The following POGZ variants were observed in gnomAD, a reference collection of about 807,000 sequenced individuals.
POGZ encodes the protein pogo transposable element with ZNF domain.
POGZ carries 17 observed loss-of-function variants against 134.6 expected under a neutral mutation model. The ratio of observed to expected loss-of-function variants is 0.13; its 90% CI spans 0.09 to 0.19. The LOEUF (loss-of-function observed/expected upper bound fraction) is 0.19, where lower values mean the gene tolerates loss of function less well. POGZ is among the 10% of genes least tolerant of loss of function. The pLI, the probability that POGZ is intolerant of heterozygous loss-of-function variation, is 1.00. For synonymous variants in POGZ, 693 were observed against 657.1 expected (o/e 1.05, Z -0.84); for missense variants, 1,306 against 1,769.7 (o/e 0.74, Z 4.70).
chr1:151,409,474 T>C (rs1244083175), intron 12 of POGZ, among the ~76,000 whole-genome samples: 1 of 152,174 alleles, frequency 6.6e-6, no homozygotes, highest in Non-Finnish European at 1.5e-5. Context: ...TAGCTGGGAC[T>C]ACAGGCACGT....
chr1:151,441,016 G>A lies in POGZ; in HGVS notation c.195C>T (p.Leu65=). The change falls in exon 3 of 19, where the codon CTC becomes CTT. Residue 65 remains leucine, a synonymous_variant. Transcript: ENST00000271715. ...IAAHASVAGH[L]STSTTVSSSG... The stretch of plus-strand genomic sequence containing the variant: ...TGCTACTAACGGTGGTGGATGTAGA[G>A]AGGTGCCCAGCAACAGAAGCATGGG... The A allele has an allele frequency of 6.2e-7, 1 of 1,613,970 alleles. No individual in the cohort carries two copies. Among genetic ancestry groups the A allele is most frequent in the Non-Finnish European group, 8.5e-7 (1 of 1,179,846 alleles).
At chr1:151,451,272 G>A (rs1488129038) in intron 1 of POGZ, among the ~76,000 whole-genome samples, 1 of 150,798 alleles carries the variant, frequency 6.6e-6, no homozygotes, top group Non-Finnish European at 1.5e-5. Context: ...AATGTATGAA[G>A]TATTACTGAC....
intron 1 of POGZ, among the ~76,000 whole-genome samples, chr1:151,458,420 A>G (rs1230763524): frequency 6.6e-6 from 1 of 152,062 alleles, no homozygotes; most frequent in Non-Finnish European, 1.5e-5. Flanking sequence ...GAGACTTCGT[A>G]AACTAGCTGC....
chr1:151,409,603 T>C (rs767868420), intron 12 of POGZ, among the ~76,000 whole-genome samples: 14 of 152,142 alleles, frequency 9.2e-5, no homozygotes, highest in Non-Finnish European at 2.1e-4. Context: ...TCCCAAAGTG[T>C]TGGGATTACA....
chr1:151,424,466 G>T, intron 8 of POGZ, 180 bp from the exon 9 acceptor site: 1 of 512,964 alleles, frequency 1.9e-6, no homozygotes, highest in Non-Finnish European at 3.4e-6. Flanking sequence ...ATCCACATAT[G>T]CCACCCAAGC....
At chr1:151,444,134 A>G (rs1239553304) in intron 1 of POGZ, among the ~76,000 whole-genome samples, 2 of 152,214 alleles carry the variant, frequency 1.3e-5, no homozygotes, top group African/African-American at 4.8e-5. Context: ...TAAAGTGCTT[A>G]ACTGGATTCT....
intron 3 of POGZ, among the ~76,000 whole-genome samples, chr1:151,437,872 C>T (rs1659888827): frequency 6.6e-6 from 1 of 152,164 alleles, no homozygotes; most frequent in Admixed American, 6.5e-5. Context: ...ATTTCTCATT[C>T]ACTTTATTCT....
chr1:151,435,415 A>G (rs1659408357), intron 3 of POGZ, among the ~76,000 whole-genome samples: 1 of 152,200 alleles, frequency 6.6e-6, no homozygotes, highest in Admixed American at 6.5e-5. Context: ...TACAGGAATA[A>G]TTTTAAAATA....
chr1:151,403,931 G>T lies in POGZ; in HGVS notation c.*871C>A. 1 of 985,466 alleles carries T rather than the reference G, an allele frequency of 1.0e-6. No individual in the cohort carries two copies. The highest frequency in any genetic ancestry group is 1.2e-6 in the Non-Finnish European group (1 of 829,916). The allele number at this position is 985,466 out of a possible 1,614,324, so 61.0% of individuals were successfully genotyped here. A position where few individuals can be genotyped will look rare whatever the true frequency, so the allele number is the denominator to read the frequency against. Reference sequence around the variant, plus strand: ...ACCCTAAAACTGTTTGATCGCTTCAGTATCTCTTGCTTGCTAATAACACCT... The same window carrying T: ...ACCCTAAAACTGTTTGATCGCTTCATTATCTCTTGCTTGCTAATAACACCT... On this transcript the variant is annotated 3_prime_UTR_variant, in exon 19 of 19. Coordinates refer to ENST00000271715, the MANE Select transcript of POGZ (RefSeq NM_015100.4).
chr1:151,412,946 A>G (rs186867174), intron 10 of POGZ, among the ~76,000 whole-genome samples: 1 of 152,184 alleles, frequency 6.6e-6, no homozygotes, highest in African/African-American at 2.4e-5. Flanking sequence ...TTTTGACAAA[A>G]TTTTATGACA....
chr1:151,436,885 T>C (rs1456681720), intron 3 of POGZ, among the ~76,000 whole-genome samples: 1 of 152,200 alleles, frequency 6.6e-6, no homozygotes, highest in Non-Finnish European at 1.5e-5. Context: ...CTGGGTTATA[T>C]GGTAACTCTA....
chr1:151,408,419 C>T lies in POGZ; in HGVS notation c.2224G>A (p.Val742Ile). 2 of 1,583,060 alleles carry T rather than the reference C, an allele frequency of 1.3e-6. No homozygotes were observed. The highest frequency in any genetic ancestry group is 8.5e-7 in the Non-Finnish European group (1 of 1,169,856). ...PVQRSIQKRA[V>I]RKMSVMGRQT... ...GAAGAAGGCGCTGACATTTTCCTAACAGCTCTCTTCTGGATGCTGCGCTGG... is the reference window on the plus strand; with the variant it reads ...GAAGAAGGCGCTGACATTTTCCTAATAGCTCTCTTCTGGATGCTGCGCTGG... Residue 742 changes from valine (V) to isoleucine (I), a missense_variant, in exon 14 of 19, where the codon GTT becomes ATT. Coordinates refer to ENST00000271715, the MANE Select transcript of POGZ (RefSeq NM_015100.4).
intron 10 of POGZ, among the ~76,000 whole-genome samples, chr1:151,413,428 A>G (rs981320606): frequency 6.6e-6 from 1 of 152,054 alleles, no homozygotes; most frequent in African/African-American, 2.4e-5. Context: ...GCACCGGCCA[A>G]TTTTGGTAAG....
rs1653136720 is a variant in POGZ at position 151,403,935 on chromosome 1, C to T, written c.*867G>A. ...TAAAACTGTTTGATCGCTTCAGTAT[C>T]TCTTGCTTGCTAATAACACCTGTAT... On this transcript the variant is annotated 3_prime_UTR_variant, in exon 19 of 19. Transcript: ENST00000271715. 1.0e-6 allele frequency: 1 copy of T among 985,330 alleles called. No individual in the cohort carries two copies. The highest frequency in any genetic ancestry group is 1.2e-6 in the Non-Finnish European group (1 of 829,940). The allele number at this position is 985,330 out of a possible 1,614,324, so 61.0% of individuals were successfully genotyped here.
At chr1:151,424,379 G>A in intron 8 of POGZ, 93 bp from the exon 9 acceptor site, 1 of 797,354 alleles carries the variant, frequency 1.3e-6, no homozygotes, top group Admixed American at 3.0e-5. Context: ...TAACGGTTTG[G>A]TTTCAGGTAT....
intron 1 of POGZ, among the ~76,000 whole-genome samples, chr1:151,446,532 G>A (rs547325641): frequency 1.6e-4 from 24 of 152,126 alleles, no homozygotes; most frequent in Admixed American, 3.9e-4. Flanking sequence ...GAGGCGGGGG[G>A]ATCACCTGAG....
chr1:151,443,473 G>GCGGATCACCTGAGGT (rs1196523458), intron 1 of POGZ, among the ~76,000 whole-genome samples: 2 of 152,244 alleles, frequency 1.3e-5, no homozygotes, highest in East Asian at 1.9e-4. Flanking sequence ...GCCGAGGTGG[G>GCGGATCACCTGAGGT]CGGATCACCT....
rs1471491514 is a variant in POGZ, at chr1:151,423,440, A to C, written c.1635T>G (p.Leu545=). The change falls in exon 10 of 19, where the codon CTT becomes CTG. Residue 545 remains leucine, a synonymous_variant. Coordinates refer to ENST00000271715, the MANE Select transcript of POGZ (RefSeq NM_015100.4). ...CYRQFSTPFQ[L]QCHLENVHSP... is the part of the protein sequence containing the mutation. ...TATGAACATTTTCCAAGTGGCACTG[A>C]AGCTGGAAGGGAGTGGAAAACTGGC... 2 of 1,614,138 alleles carry C rather than the reference A, an allele frequency of 1.2e-6. No homozygotes were observed. The highest frequency in any genetic ancestry group is 1.7e-6 in the Non-Finnish European group (2 of 1,179,962).
At chr1:151,419,550 T>C (rs1390573456) in intron 10 of POGZ, among the ~76,000 whole-genome samples, 1 of 150,750 alleles carries the variant, frequency 6.6e-6, no homozygotes, top group Non-Finnish European at 1.5e-5. Context: ...GTGTCTGTAG[T>C]ACCAGCTATT....
Sources: allele counts gnomAD v4.1 joint callset (sites outside exome capture counted in the v4.1 genomes callset), GRCh38; gene constraint gnomAD v4.1.1; transcripts MANE v1.5; gene names NCBI Gene and HGNC (gene_info 2026-07-23, HGNC 2026-07-21).